SLC25A14: variants seen among roughly 807,000 people sequenced by gnomAD.
SLC25A14 encodes the protein solute carrier family 25 member 14.
Under a neutral mutation model 28.1 loss-of-function variants are expected in SLC25A14, and 8 were observed. The observed-to-expected ratio is 0.28, with a 90% CI of 0.17 to 0.51. SLC25A14 has a LOEUF of 0.51. Among genes scored for constraint, SLC25A14 ranks in the 20% least tolerant of loss-of-function variants. The probability of loss-of-function intolerance (pLI) is 0.97; values close to 1 mark genes in which losing one functional copy is unlikely to be tolerated. For synonymous variants in SLC25A14, 74 were observed against 90.6 expected (o/e 0.82, Z 1.04); for missense variants, 135 against 263.8 (o/e 0.51, Z 3.38).
At chrX:130,356,711 C>T (rs752120496) in intron 6 of SLC25A14, among the ~76,000 whole-genome samples, 3 of 111,959 alleles carry the variant, frequency 2.7e-5, no homozygotes, top group Non-Finnish European at 5.6e-5. Context: ...AGACAATAAT[C>T]TACCACACTA....
chrX:130,340,050 G>T (rs2033195701), intron 1 of SLC25A14, 57 bp from the exon 2 acceptor site: 1 of 1,018,308 alleles, frequency 9.8e-7, no homozygotes, highest in African/African-American at 2.0e-5. Flanking sequence ...GGCCGGGCTG[G>T]CCTGGTTCCC....
rs755553209 is a variant in SLC25A14, at chrX:130,356,732, C to T, written c.499-1908C>T. On this transcript the variant is annotated intron_variant, in intron 6 of 10. Transcript: ENST00000545805. ...TAATCTACCACACTACCCAGACCTA[C>T]TGGGTCATCTAAACTAGAAACCTAG... Among the ~76,000 whole-genome samples, 3 of 112,044 alleles carry T rather than the reference C, an allele frequency of 2.7e-5. No homozygotes were observed. In the East Asian group the frequency reaches 8.4e-4, roughly 31 times the overall value.
chrX:130,359,664 A>G (rs1408204842), intron 7 of SLC25A14, among the ~76,000 whole-genome samples: 1 of 110,891 alleles, frequency 9.0e-6, no homozygotes, highest in East Asian at 2.8e-4. Flanking sequence ...CTATTAATAG[A>G]CTTTTAAATA....
rs1212037064 is a variant in SLC25A14 at position 130,346,598 on chromosome X, T to C, written c.224T>C (p.Ile75Thr). The C allele has an allele frequency of 3.3e-6, 4 of 1,205,613 alleles. No homozygotes were observed. In the Admixed American group the frequency reaches 8.7e-5, roughly 26 times the overall value. Residue 75 changes from isoleucine (I) to threonine (T), a missense_variant, in exon 4 of 11, where the codon ATT becomes ACT. Ile to Thr is a moderately conservative substitution (Grantham distance 89). Coordinates refer to ENST00000545805, the MANE Select transcript of SLC25A14 (RefSeq NM_001282195.2). Reference sequence around the variant, plus strand: ...CGACTTCAGGTTCAAGGCCAAAGCATTGATGCCCGTTTCAAAGAGATAAAA... The same window carrying C: ...CGACTTCAGGTTCAAGGCCAAAGCACTGATGCCCGTTTCAAAGAGATAAAA... ...KTRLQVQGQSIDARFKEIKYR... is the reference protein window; with the variant it reads ...KTRLQVQGQSTDARFKEIKYR...
At chrX:130,360,591 C>T (rs2033938806) in intron 7 of SLC25A14, among the ~76,000 whole-genome samples, 2 of 111,872 alleles carry the variant, frequency 1.8e-5, no homozygotes, top group African/African-American at 6.5e-5. Context: ...ATGGTCTTTG[C>T]ATCCATTAAT....
At position 130,350,684 on chromosome X, in the gene SLC25A14, T is replaced by A; in HGVS notation, c.451T>A (p.Ser151Thr). Reference protein sequence around the residue: ...LLINMICGVVSGVISSTIANP... With the variant: ...LLINMICGVVTGVISSTIANP... ...AATTAATATGATCTGTGGGGTAGTG[T>A]CAGGAGTGATATCTTCCACTATAGC... The change falls in exon 6 of 11, where the codon TCA becomes ACA. Residue 151 changes from serine to threonine, a missense_variant. By Grantham distance (58) the Ser-to-Thr change is moderately conservative. Coordinates refer to ENST00000545805, the MANE Select transcript of SLC25A14 (RefSeq NM_001282195.2). 8.5e-7 allele frequency: 1 copy of A among 1,178,056 alleles called. No individual in the cohort carries two copies. Among genetic ancestry groups the A allele is most frequent in the Non-Finnish European group, 1.2e-6 (1 of 867,691 alleles).
chrX:130,373,003 T>G lies in SLC25A14; in HGVS notation c.*53T>G, dbSNP rs2034302852. 1.1e-6 allele frequency: 1 copy of G among 902,166 alleles called. No individual in the cohort carries two copies. The highest frequency in any genetic ancestry group is 2.5e-5 in the Admixed American group (1 of 39,419). The allele number at this position is 902,166 out of a possible 1,213,427, so 74.3% of individuals were successfully genotyped here. A position where few individuals can be genotyped will look rare whatever the true frequency, so the allele number is the denominator to read the frequency against. The stretch of plus-strand genomic sequence containing the variant: ...TGCCAGCCTTTCTACTCCTTTGCCC[T>G]TTTCCCGTGTTCTAATGTATTTTGA... On this transcript the variant is annotated 3_prime_UTR_variant, in exon 11 of 11. Coordinates refer to ENST00000545805, the MANE Select transcript of SLC25A14 (RefSeq NM_001282195.2).
intron 7 of SLC25A14, among the ~76,000 whole-genome samples, chrX:130,363,350 T>C (rs1189797976): frequency 8.0e-5 from 9 of 112,642 alleles, no homozygotes; most frequent in Non-Finnish European, 1.7e-4. Flanking sequence ...GATTTTAAGG[T>C]TTATCCATGT....
intron 4 of SLC25A14, among the ~76,000 whole-genome samples, chrX:130,348,224 G>A (rs1192758838): frequency 9.1e-6 from 1 of 110,205 alleles, no homozygotes; most frequent in Non-Finnish European, 1.9e-5. Flanking sequence ...GGAGCTCTCT[G>A]GGATCCCTTT....
At chrX:130,351,467 G>C in intron 6 of SLC25A14, among the ~76,000 whole-genome samples, 1 of 110,628 alleles carries the variant, frequency 9.0e-6, no homozygotes, top group East Asian at 2.8e-4. Context: ...GAGTATAGTT[G>C]GATTTCTTTA....
intron 6 of SLC25A14, among the ~76,000 whole-genome samples, chrX:130,356,217 C>CTTTTTT (rs145822008): frequency 3.8e-5 from 2 of 52,054 alleles, no homozygotes; most frequent in African/African-American, 8.4e-5. Flanking sequence ...CAAGGGCAAT[C>CTTTTTT]TTTTTTTTTT....
At chrX:130,357,190 G>A (rs2033819396) in intron 6 of SLC25A14, among the ~76,000 whole-genome samples, 1 of 111,815 alleles carries the variant, frequency 8.9e-6, no homozygotes, top group Admixed American at 9.5e-5. Context: ...AACAACATTT[G>A]TATGTAGTAT....
intron 5 of SLC25A14, among the ~76,000 whole-genome samples, chrX:130,350,124 A>C (rs2124751715): frequency 8.9e-6 from 1 of 111,756 alleles, no homozygotes; most frequent in East Asian, 2.8e-4. Flanking sequence ...TTTAGTTCTA[A>C]ATGATTGCTT....
chrX:130,340,423 C>G (rs968191196), intron 2 of SLC25A14, 70 bp downstream of exon 2: 18 of 1,117,364 alleles, frequency 1.6e-5, no homozygotes, highest in Non-Finnish European at 2.1e-5. Context: ...GGTTTCTACC[C>G]CCTGTCACTC....
intron 2 of SLC25A14, among the ~76,000 whole-genome samples, chrX:130,340,702 A>G (rs1440828339): frequency 9.0e-6 from 1 of 110,776 alleles, no homozygotes; most frequent in Non-Finnish European, 1.9e-5. Context: ...CTCAGTGCCA[A>G]CAAGCATCTT....
In SLC25A14 at chrX:130,339,981, G is replaced by C. The variant is rs979480817; in HGVS notation, c.-173+5G>C. ...TCGTCCGATGAGCCCGAGCAGGTGA[G>C]GGGGAGCTCCTGGACTTCCAGGCTG... On this transcript the variant is annotated splice_donor_5th_base_variant and intron_variant, in intron 1 of 10. Coordinates refer to ENST00000545805, the MANE Select transcript of SLC25A14 (RefSeq NM_001282195.2). 1.5e-5 allele frequency: 14 copies of C among 910,605 alleles called. No homozygotes were observed. Among genetic ancestry groups the C allele is most frequent in the African/African-American group, 8.3e-5 (4 of 48,194 alleles). The allele number at this position is 910,605 out of a possible 1,213,427, so 75.0% of individuals were successfully genotyped here. A position where few individuals can be genotyped will look rare whatever the true frequency, so the allele number is the denominator to read the frequency against.
intron 9 of SLC25A14, among the ~76,000 whole-genome samples, chrX:130,367,078 C>T (rs934991906): frequency 8.9e-6 from 1 of 112,041 alleles, no homozygotes; most frequent in African/African-American, 3.2e-5. Context: ...GGAGTGGGAC[C>T]TGGAAATTTG....
chrX:130,357,439 A>T (rs2033827311), intron 6 of SLC25A14, among the ~76,000 whole-genome samples: 1 of 111,784 alleles, frequency 8.9e-6, no homozygotes, highest in African/African-American at 3.3e-5. Flanking sequence ...TTTCATGCCT[A>T]AGAAAAGTAC....
chrX:130,361,135 A>C (rs1183878872), intron 7 of SLC25A14, among the ~76,000 whole-genome samples: 1 of 112,652 alleles, frequency 8.9e-6, no homozygotes, highest in Non-Finnish European at 1.9e-5. Context: ...AGGCTGAATA[A>C]TATTCCATTG....
Sources: allele counts gnomAD v4.1 joint callset (sites outside exome capture counted in the v4.1 genomes callset), GRCh38; gene constraint gnomAD v4.1.1; transcripts MANE v1.5; gene names NCBI Gene and HGNC (gene_info 2026-07-23, HGNC 2026-07-21).